Variants in SNTG2 observed in about 807,000 individuals in gnomAD.
SNTG2 encodes gamma-2-syntrophin.
In SNTG2, 74 loss-of-function variants were observed where a neutral mutation model predicts 70.9. The ratio of observed to expected loss-of-function variants is 1.04; its 90% CI spans 0.86 to 1.27. The LOEUF (loss-of-function observed/expected upper bound fraction) is 1.27, where lower values mean the gene tolerates loss of function less well. SNTG2 is among the 50% of genes most tolerant of loss of function. The pLI is 0.00. For missense variants in SNTG2, 717 were observed against 690.7 expected, an observed-to-expected ratio of 1.04 and a Z score of -0.43; for synonymous variants, 278 against 273.8, an observed-to-expected ratio of 1.02 and a Z score of -0.15.
intron 9 of SNTG2, 150 bp downstream of exon 9, chr2:1,209,380 C>A (rs892854384): frequency 2.0e-6 from 2 of 1,009,154 alleles, no homozygotes; most frequent in African/African-American, 3.2e-5. Flanking sequence ...TTGGAATAAA[C>A]AAGTTAAAGA....
intron 1 of SNTG2, among the ~76,000 whole-genome samples, chr2:988,705 G>T (rs1390675505): frequency 6.6e-6 from 1 of 151,808 alleles, no homozygotes; most frequent in Admixed American, 6.6e-5. Context: ...GTCATTTTAG[G>T]AAGTATATTC....
At chr2:1,255,895 A>AATATAT (rs1362050677) in intron 12 of SNTG2, among the ~76,000 whole-genome samples, 4 of 63,890 alleles carry the variant, frequency 6.3e-5, no homozygotes, top group East Asian at 7.4e-4. Context: ...AATATATATA[A>AATATAT]ATATATATAT....
chr2:991,316 TAGTC>T (rs955916221), intron 1 of SNTG2, among the ~76,000 whole-genome samples: 4 of 151,184 alleles, frequency 2.6e-5, no homozygotes, highest in African/African-American at 7.3e-5. Context: ...ATTGTTAAAA[TAGTC>T]AGTACATTAA....
At chr2:1,275,577 G>T (rs896935631) in intron 14 of SNTG2, among the ~76,000 whole-genome samples, 1 of 152,174 alleles carries the variant, frequency 6.6e-6, no homozygotes, top group South Asian at 2.1e-4. Context: ...TGTTCTGATT[G>T]CTCCACTGAC....
chr2:1,222,089 C>CTG lies in SNTG2; in HGVS notation c.719+12860_719+12861insGT, dbSNP rs1397786847. Among the ~76,000 whole-genome samples, 11 of 16,038 alleles carry CTG rather than the reference C, an allele frequency of 6.9e-4. 2 individuals carry two copies. The highest frequency in any genetic ancestry group is 2.2e-3 in the Admixed American group (3 of 1,350). 10.5% of individuals were successfully genotyped at this position (16,038 alleles called of 152,430 possible). The stretch of plus-strand genomic sequence containing the variant: ...TTTCTCTCTGTCTCTGTCTCTGTCT[C>CTG]TCTCTGTCTCTCTCTGTCTCTCTCT... On this transcript the variant is annotated intron_variant, in intron 9 of 16. Coordinates refer to ENST00000308624, the MANE Select transcript of SNTG2 (RefSeq NM_018968.4).
At chr2:1,115,322 C>T (rs1422462841) in intron 4 of SNTG2, among the ~76,000 whole-genome samples, 1 of 151,920 alleles carries the variant, frequency 6.6e-6, no homozygotes, top group East Asian at 1.9e-4. Context: ...CCCTTACAGT[C>T]CTTGGAGGAG....
At chr2:1,152,582 G>A (rs1309499890) in intron 6 of SNTG2, among the ~76,000 whole-genome samples, 1 of 151,074 alleles carries the variant, frequency 6.6e-6, no homozygotes, top group Non-Finnish European at 1.5e-5. Flanking sequence ...GTGCATGTGT[G>A]TGTGTGCACA....
At chr2:1,039,707 T>G (rs1661326440) in intron 1 of SNTG2, among the ~76,000 whole-genome samples, 1 of 152,154 alleles carries the variant, frequency 6.6e-6, no homozygotes, top group African/African-American at 2.4e-5. Flanking sequence ...TTATTGACAT[T>G]TTTTTCTGGA....
At chr2:969,569 A>T (rs1208207948) in intron 1 of SNTG2, among the ~76,000 whole-genome samples, 2 of 152,114 alleles carry the variant, frequency 1.3e-5, no homozygotes, top group Non-Finnish European at 1.5e-5. Flanking sequence ...TATTATAGAG[A>T]TATTTCACCT....
intron 16 of SNTG2, among the ~76,000 whole-genome samples, chr2:1,355,301 C>A (rs1417682529): frequency 6.6e-6 from 1 of 152,182 alleles, no homozygotes; most frequent in African/African-American, 2.4e-5. Flanking sequence ...ATCCCTGCGC[C>A]CCTTTATCTC....
At chr2:996,975 T>C (rs4464315) in intron 1 of SNTG2, among the ~76,000 whole-genome samples, 56,200 of 151,858 alleles carry the variant, frequency 0.37, 10,924 homozygotes, top group Middle Eastern at 0.53. Context: ...ACTAGTACCC[T>C]ATGTGTGTCT....
chr2:993,369 A>C (rs1661569260), intron 1 of SNTG2, among the ~76,000 whole-genome samples: 1 of 151,976 alleles, frequency 6.6e-6, no homozygotes, highest in East Asian at 1.9e-4. Flanking sequence ...TTACTACCAG[A>C]TACATTCCAT....
chr2:1,060,405 G>A (rs940243825), intron 1 of SNTG2, among the ~76,000 whole-genome samples: 3 of 152,138 alleles, frequency 2.0e-5, no homozygotes, highest in African/African-American at 7.2e-5. Context: ...CATAGATACA[G>A]AGATAGAAGT....
At chr2:1,131,800 G>A (rs1189196764) in intron 4 of SNTG2, among the ~76,000 whole-genome samples, 5 of 151,870 alleles carry the variant, frequency 3.3e-5, no homozygotes, top group East Asian at 1.9e-4. Flanking sequence ...TACAGGCGAC[G>A]CCACCACGCC....
intron 4 of SNTG2, among the ~76,000 whole-genome samples, chr2:1,113,030 G>A (rs1357344748): frequency 6.6e-6 from 1 of 151,570 alleles, no homozygotes; most frequent in Non-Finnish European, 1.5e-5. Context: ...ACTAAGTGAG[G>A]TGTAACCCTT....
chr2:977,843 C>T (rs1346438037), intron 1 of SNTG2, among the ~76,000 whole-genome samples: 2 of 152,158 alleles, frequency 1.3e-5, no homozygotes, highest in Non-Finnish European at 2.9e-5. Context: ...ATGGCAGAGC[C>T]TTCCCGCCTC....
intron 8 of SNTG2, among the ~76,000 whole-genome samples, chr2:1,178,479 C>G (rs1191921208): frequency 2.6e-5 from 4 of 152,068 alleles, no homozygotes; most frequent in Non-Finnish European, 5.9e-5. Context: ...TATGTCCCAT[C>G]AATACCTAAT....
chr2:1,170,032 C>A (rs887984637), intron 7 of SNTG2, among the ~76,000 whole-genome samples: 1 of 152,188 alleles, frequency 6.6e-6, no homozygotes, highest in Non-Finnish European at 1.5e-5. Flanking sequence ...GAGCAGACTT[C>A]ACTTTCTGAC....
At chr2:969,294 ATGT>A (rs137856567) in intron 1 of SNTG2, among the ~76,000 whole-genome samples, 16,842 of 152,046 alleles carry the variant, frequency 0.11, 1,167 homozygotes, top group Middle Eastern at 0.24. Flanking sequence ...AAGTTGGGTA[ATGT>A]TGTGCCTCCA....
Sources: allele counts gnomAD v4.1 joint callset (sites outside exome capture counted in the v4.1 genomes callset), GRCh38; gene constraint gnomAD v4.1.1; transcripts MANE v1.5; gene names NCBI Gene and HGNC (gene_info 2026-07-23, HGNC 2026-07-21).